SNTG1: variants seen among roughly 807,000 people sequenced by gnomAD.
SNTG1 encodes gamma-1-syntrophin.
A neutral mutation model predicts 74.7 loss-of-function variants in SNTG1; 39 were observed. The ratio of observed to expected loss-of-function variants is 0.52; its 90% CI spans 0.40 to 0.68. The LOEUF is 0.68. Among genes scored for constraint, SNTG1 ranks in the 30% least tolerant of loss-of-function variants. SNTG1 has a pLI of 0.00. For missense variants in SNTG1, 685 were observed against 609.5 expected (o/e 1.12, Z -1.30); for synonymous variants, 254 against 217.1 (o/e 1.17, Z -1.49).
intron 8 of SNTG1, 40 bp from the exon 9 acceptor site, chr8:50,502,738 A>C: frequency 3.3e-6 from 5 of 1,504,842 alleles, no homozygotes; most frequent in Non-Finnish European, 4.6e-6. Flanking sequence ...TAACATGATA[A>C]ATGTAATGAT....
intron 9 of SNTG1, among the ~76,000 whole-genome samples, chr8:50,527,287 T>C (rs952084898): frequency 2.0e-5 from 3 of 152,180 alleles, no homozygotes; most frequent in African/African-American, 7.2e-5. Context: ...TCTTAGTCTT[T>C]GTATATCTAC....
At chr8:50,665,930 G>C (rs1586010012) in intron 15 of SNTG1, among the ~76,000 whole-genome samples, 1 of 152,096 alleles carries the variant, frequency 6.6e-6, no homozygotes, top group Non-Finnish European at 1.5e-5. Flanking sequence ...ACTTTACAGA[G>C]CACAAAAGTG....
chr8:49,972,530 C>A (rs547975844), intron 1 of SNTG1, among the ~76,000 whole-genome samples: 91 of 152,260 alleles, frequency 6.0e-4, no homozygotes, highest in Admixed American at 2.2e-3. Flanking sequence ...TCTAATTAAA[C>A]TAAAGAGCTT....
At chr8:50,292,986 G>C (rs2089190824) in intron 2 of SNTG1, among the ~76,000 whole-genome samples, 1 of 152,200 alleles carries the variant, frequency 6.6e-6, no homozygotes, top group Admixed American at 6.5e-5. Context: ...AGTGGGTTCT[G>C]GCCTTGGAAG....
chr8:50,469,859 A>C (rs2131735809), intron 8 of SNTG1, among the ~76,000 whole-genome samples: 1 of 152,228 alleles, frequency 6.6e-6, no homozygotes, highest in South Asian at 2.1e-4. Context: ...TATGTCTATA[A>C]TCCCAGCTAC....
chr8:50,677,088 A>G (rs1487661429), intron 15 of SNTG1, among the ~76,000 whole-genome samples: 2 of 151,996 alleles, frequency 1.3e-5, no homozygotes, highest in Non-Finnish European at 2.9e-5. Flanking sequence ...GTCTAAAAGC[A>G]ATATATTTAT....
chr8:50,124,930 G>C (rs1309709407), intron 1 of SNTG1, among the ~76,000 whole-genome samples: 2 of 141,646 alleles, frequency 1.4e-5, no homozygotes, highest in Non-Finnish European at 3.1e-5. Flanking sequence ...TGGGCAGGCA[G>C]TTACTTGCAC....
chr8:50,535,695 T>A (rs1190248817), intron 10 of SNTG1, among the ~76,000 whole-genome samples: 1 of 152,206 alleles, frequency 6.6e-6, no homozygotes, highest in Non-Finnish European at 1.5e-5. Context: ...CAACCTTAAG[T>A]AAAAGTAATA....
intron 1 of SNTG1, among the ~76,000 whole-genome samples, chr8:49,968,002 C>A (rs551069107): frequency 6.6e-6 from 1 of 152,250 alleles, no homozygotes; most frequent in South Asian, 2.1e-4. Context: ...CAGTGTCTTG[C>A]AGTACTTCAG....
At chr8:49,948,383 G>A (rs929451775) in intron 1 of SNTG1, among the ~76,000 whole-genome samples, 7 of 152,014 alleles carry the variant, frequency 4.6e-5, no homozygotes, top group Non-Finnish European at 7.4e-5. Context: ...AAATTGTTTC[G>A]ATTTTCTCTA....
chr8:50,783,092 G>A (rs1483479728), intron 18 of SNTG1, among the ~76,000 whole-genome samples: 1 of 152,136 alleles, frequency 6.6e-6, no homozygotes, highest in Non-Finnish European at 1.5e-5. Flanking sequence ...ACCCGGCCGT[G>A]TGAGGTGTCA....
At position 50,629,921 on chromosome 8, in the gene SNTG1, G is replaced by A. The variant is rs16915117; in HGVS notation, c.850-26988G>A. ...AAGAAATGCATAACAGTGCTGCTTC[G>A]ATATTATAAATACATGTGGCATTAG... On this transcript the variant is annotated intron_variant, in intron 13 of 18. Coordinates refer to ENST00000642720, the MANE Select transcript of SNTG1 (RefSeq NM_018967.5). Among the ~76,000 whole-genome samples the A allele has an allele frequency of 6.6e-3, 1,004 of 152,238 alleles. 9 individuals carry two copies. The highest frequency in any genetic ancestry group is 0.022 in the African/African-American group (913 of 41,542).
intron 4 of SNTG1, among the ~76,000 whole-genome samples, chr8:50,422,149 A>T (rs2093096386): frequency 6.6e-6 from 1 of 152,332 alleles, no homozygotes; most frequent in Admixed American, 6.5e-5. Context: ...CAGGCTAATA[A>T]GACCACTTCT....
At chr8:50,201,264 G>A (rs967868098) in intron 2 of SNTG1, among the ~76,000 whole-genome samples, 2 of 152,016 alleles carry the variant, frequency 1.3e-5, no homozygotes, top group African/African-American at 2.4e-5. Context: ...TAATAATGTG[G>A]CTGAAATCTC....
intron 11 of SNTG1, among the ~76,000 whole-genome samples, chr8:50,547,982 A>C (rs1256513248): frequency 6.6e-6 from 1 of 152,178 alleles, no homozygotes; most frequent in Non-Finnish European, 1.5e-5. Flanking sequence ...GATAAATAAA[A>C]TGATGTCCAG....
chr8:50,575,008 A>T (rs1050802170), intron 12 of SNTG1, among the ~76,000 whole-genome samples: 11 of 152,190 alleles, frequency 7.2e-5, no homozygotes, highest in Non-Finnish European at 1.3e-4. Context: ...GTGGCATTTC[A>T]CATTTTCACA....
chr8:50,253,114 C>T (rs1395877380), intron 2 of SNTG1, among the ~76,000 whole-genome samples: 1 of 152,064 alleles, frequency 6.6e-6, no homozygotes, highest in Non-Finnish European at 1.5e-5. Context: ...TGAAAAGCAG[C>T]ACGGAGATTA....
chr8:50,250,906 G>A (rs2086618611), intron 2 of SNTG1, among the ~76,000 whole-genome samples: 1 of 152,034 alleles, frequency 6.6e-6, no homozygotes. Flanking sequence ...CAGCAGTATA[G>A]GTAAATGCAT....
chr8:50,251,814 A>C (rs935896921), intron 2 of SNTG1, among the ~76,000 whole-genome samples: 4 of 152,078 alleles, frequency 2.6e-5, no homozygotes, highest in Admixed American at 2.0e-4. Flanking sequence ...TTTAGACAGA[A>C]CATTAATAAA....
Sources: gnomAD v4.1 joint callset for allele counts (sites outside exome capture counted in the v4.1 genomes callset) on GRCh38, gnomAD v4.1.1 for gene constraint, MANE v1.5 for transcripts, NCBI Gene and HGNC (gene_info 2026-07-23, HGNC 2026-07-21) for gene names.